CSMD1: variants seen among roughly 807,000 people sequenced by gnomAD.
CSMD1 encodes the protein CUB and Sushi multiple domains 1, also known as CUB and sushi domain-containing protein 1.
Under a neutral mutation model 417.5 loss-of-function variants are expected in CSMD1, and 213 were observed. The observed-to-expected ratio is 0.51, with a 90% CI of 0.46 to 0.57. CSMD1 has a LOEUF of 0.57. Ranked by LOEUF, CSMD1 falls within the 20% of genes least tolerant of loss-of-function variation. The pLI is 0.00. For missense variants in CSMD1, 6,923 were observed against 4,529.7 expected (o/e 1.53, Z -15.17); for synonymous variants, 2,862 against 1,736.8 (o/e 1.65, Z -16.11).
At chr8:3,770,370 A>C (rs1045713475) in intron 5 of CSMD1, among the ~76,000 whole-genome samples, 4 of 152,092 alleles carry the variant, frequency 2.6e-5, no homozygotes, top group Non-Finnish European at 4.4e-5. Flanking sequence ...CTCTACTAAA[A>C]ATACAAAAAT....
intron 7 of CSMD1, among the ~76,000 whole-genome samples, chr8:3,678,509 C>T (rs1025878029): frequency 5.3e-5 from 8 of 152,190 alleles, no homozygotes; most frequent in Admixed American, 4.6e-4. Flanking sequence ...AAGAAATGAA[C>T]AAAGCCTCCA....
At chr8:4,860,925 C>T (rs1397627404) in intron 1 of CSMD1, among the ~76,000 whole-genome samples, 1 of 152,030 alleles carries the variant, frequency 6.6e-6, no homozygotes, top group East Asian at 1.9e-4. Flanking sequence ...TCTGTTCATC[C>T]CTCAAACTTC....
At chr8:4,167,279 G>A (rs1319680119) in intron 3 of CSMD1, among the ~76,000 whole-genome samples, 1 of 152,042 alleles carries the variant, frequency 6.6e-6, no homozygotes, top group Non-Finnish European at 1.5e-5. Context: ...TTGCAGTTTA[G>A]AAAATTCGTG....
chr8:4,459,887 C>G (rs527590428), intron 2 of CSMD1, among the ~76,000 whole-genome samples: 1 of 152,218 alleles, frequency 6.6e-6, no homozygotes, highest in Admixed American at 6.5e-5. Flanking sequence ...AAAACAGAAC[C>G]TGACAAAATT....
chr8:3,236,075 A>G (rs535894138), intron 26 of CSMD1, among the ~76,000 whole-genome samples: 8 of 151,532 alleles, frequency 5.3e-5, no homozygotes, highest in South Asian at 2.1e-4. Context: ...CTACCACCAC[A>G]CCAGGCTAAT....
chr8:4,627,928 C>CGATG (rs1424279624), intron 2 of CSMD1, among the ~76,000 whole-genome samples: 1 of 151,986 alleles, frequency 6.6e-6, no homozygotes, highest in African/African-American at 2.4e-5. Flanking sequence ...CACTGCAGGA[C>CGATG]GATGATCAGC....
At chr8:4,367,868 T>C (rs1322211727) in intron 3 of CSMD1, among the ~76,000 whole-genome samples, 1 of 152,124 alleles carries the variant, frequency 6.6e-6, no homozygotes, top group African/African-American at 2.4e-5. Context: ...TTCGATAGGG[T>C]ATAGAAATGC....
At chr8:4,105,405 A>AT (rs756496020) in intron 3 of CSMD1, among the ~76,000 whole-genome samples, 1 of 152,138 alleles carries the variant, frequency 6.6e-6, no homozygotes, top group African/African-American at 2.4e-5. Flanking sequence ...ATAGAAAAGT[A>AT]TTTTTAGGAA....
intron 41 of CSMD1, among the ~76,000 whole-genome samples, chr8:3,120,667 T>G (rs200722057): frequency 1.2e-4 from 18 of 150,226 alleles, no homozygotes; most frequent in African/African-American, 4.5e-4. Flanking sequence ...AACAACATGG[T>G]GAAACCCTGT....
chr8:4,194,816 G>A (rs1380282688), intron 3 of CSMD1, among the ~76,000 whole-genome samples: 3 of 151,170 alleles, frequency 2.0e-5, no homozygotes, highest in Non-Finnish European at 4.4e-5. Flanking sequence ...TATGAGTTCT[G>A]CAAAGAAAAA....
intron 5 of CSMD1, among the ~76,000 whole-genome samples, chr8:3,954,399 G>C (rs1053060183): frequency 7.2e-5 from 11 of 152,226 alleles, no homozygotes; most frequent in African/African-American, 2.4e-4. Context: ...GTCTCGCTCT[G>C]CTGCCCAGGC....
intron 1 of CSMD1, among the ~76,000 whole-genome samples, chr8:4,979,856 T>G (rs1810778012): frequency 6.6e-6 from 1 of 151,834 alleles, no homozygotes; most frequent in South Asian, 2.1e-4. Context: ...GCTAACACAT[T>G]GAAACCCCAT....
chr8:3,797,863 A>G (rs1800244574), intron 5 of CSMD1, among the ~76,000 whole-genome samples: 1 of 151,994 alleles, frequency 6.6e-6, no homozygotes. Flanking sequence ...GTACCATTTT[A>G]TATTCCCACA....
chr8:3,587,893 C>T (rs1800674263), intron 8 of CSMD1, among the ~76,000 whole-genome samples: 1 of 151,692 alleles, frequency 6.6e-6, no homozygotes. Flanking sequence ...TTTGAGAAAC[C>T]CGGCATCATA....
In CSMD1 at chr8:4,718,062, C is replaced by T. The variant is rs114852782; in HGVS notation, c.86-80504G>A. ...GCACAATCACAGCTCCCTGCAGCCT[C>T]TACCTCCCTGGATCAGGAGATCCTC... On this transcript the variant is annotated intron_variant, in intron 1 of 69. Transcript: ENST00000635120. Among the ~76,000 whole-genome samples the T allele has an allele frequency of 2.6e-3, 402 of 152,304 alleles. 5 individuals are homozygous for T. Among genetic ancestry groups the T allele is most frequent in the African/African-American group, 9.4e-3 (390 of 41,556 alleles).
intron 3 of CSMD1, among the ~76,000 whole-genome samples, chr8:4,066,306 T>C (rs1054317172): frequency 2.0e-5 from 3 of 152,228 alleles, no homozygotes; most frequent in Non-Finnish European, 4.4e-5. Context: ...CGTTTATGTC[T>C]GGCTCTTAAA....
chr8:3,742,845 G>T (rs73658231), intron 6 of CSMD1, among the ~76,000 whole-genome samples: 2,799 of 152,328 alleles, frequency 0.018, 99 homozygotes, highest in African/African-American at 0.064. Context: ...TCTTCACTGT[G>T]AAGAGTTACT....
intron 17 of CSMD1, among the ~76,000 whole-genome samples, chr8:3,391,540 G>A (rs759091843): frequency 6.6e-6 from 1 of 152,182 alleles, no homozygotes; most frequent in Non-Finnish European, 1.5e-5. Flanking sequence ...TCCTCGTAAA[G>A]AATGGCTAGA....
intron 2 of CSMD1, among the ~76,000 whole-genome samples, chr8:4,583,232 G>C (rs1305219757): frequency 6.6e-6 from 1 of 152,216 alleles, no homozygotes; most frequent in Non-Finnish European, 1.5e-5. Flanking sequence ...CACAGGGACT[G>C]GCAGGCAGCT....
Sources: gnomAD v4.1 joint callset for allele counts (sites outside exome capture counted in the v4.1 genomes callset) on GRCh38, gnomAD v4.1.1 for gene constraint, MANE v1.5 for transcripts, NCBI Gene and HGNC (gene_info 2026-07-23, HGNC 2026-07-21) for gene names.